The following SV2B variants were observed in gnomAD, a reference collection of about 807,000 sequenced individuals.
SV2B encodes synaptic vesicle glycoprotein 2B, also known as solute carrier family 22 member B2.
In SV2B, 41 loss-of-function variants were observed where a neutral mutation model predicts 73.9. That is an observed-to-expected ratio of 0.56 (90% CI 0.43 to 0.72). The LOEUF (loss-of-function observed/expected upper bound fraction) is 0.72. SV2B is among the 30% of genes least tolerant of loss of function. The pLI, the probability that SV2B is intolerant of heterozygous loss-of-function variation, is 0.00. For synonymous variants in SV2B, 314 were observed against 314.2 expected (o/e 1.00, Z 0.01); for missense variants, 764 against 857.8 (o/e 0.89, Z 1.37).
chr15:91,282,059 G>A (rs1335141533), intron 10 of SV2B, among the ~76,000 whole-genome samples, 198 bp downstream of exon 10: 1 of 152,246 alleles, frequency 6.6e-6, no homozygotes, highest in African/African-American at 2.4e-5. Flanking sequence ...GGCATTTAAT[G>A]TATCTGCGTC....
chr15:91,164,436 A>G (rs907045358), intron 1 of SV2B, among the ~76,000 whole-genome samples: 13 of 152,190 alleles, frequency 8.5e-5, no homozygotes, highest in African/African-American at 3.1e-4. Context: ...AAGCCAGAAT[A>G]CTGTGTCAAA....
chr15:91,279,387 G>C (rs148442684), intron 9 of SV2B, among the ~76,000 whole-genome samples: 1 of 152,362 alleles, frequency 6.6e-6, no homozygotes, highest in African/African-American at 2.4e-5. Flanking sequence ...TTTTGTCATG[G>C]ACCTTGGATT....
intron 1 of SV2B, among the ~76,000 whole-genome samples, chr15:91,201,590 G>C (rs570154523): frequency 6.6e-6 from 1 of 152,224 alleles, no homozygotes; most frequent in South Asian, 2.1e-4. Flanking sequence ...CCTATCTCCT[G>C]ATCCCACCCT....
At chr15:91,184,030 C>G (rs1034065430) in intron 1 of SV2B, among the ~76,000 whole-genome samples, 2 of 152,068 alleles carry the variant, frequency 1.3e-5, no homozygotes, top group Non-Finnish European at 2.9e-5. Flanking sequence ...AACACTGTAT[C>G]CACCTTCATC....
Position 91,252,124 on chromosome 15 carries a change from A to G in SV2B, c.632+125A>G. 5 of 1,309,714 alleles carry G rather than the reference A, an allele frequency of 3.8e-6. No individual in the cohort carries two copies. In the East Asian group the frequency reaches 9.6e-5, roughly 25 times the overall value. The allele number at this position is 1,309,714 out of a possible 1,614,324, so 81.1% of individuals were successfully genotyped here. A position where few individuals can be genotyped will look rare whatever the true frequency, so the allele number is the denominator to read the frequency against. ...ACTGAGTTTTTGTTTGACTTTCAGGATACTATATTAAAGTTGAACCTTAGA... is the reference window on the plus strand; with the variant it reads ...ACTGAGTTTTTGTTTGACTTTCAGGGTACTATATTAAAGTTGAACCTTAGA... On this transcript the variant is annotated intron_variant, in intron 3 of 12. Coordinates refer to ENST00000394232, the MANE Select transcript of SV2B (RefSeq NM_001323032.3). This position sits in a 1 kb window ranked among gnomAD's most constrained non-coding sequence, Gnocchi z 4.6.
In SV2B at chr15:91,289,593, G is replaced by C; in HGVS notation, c.1781G>C (p.Gly594Ala). Residue 594 changes from glycine to alanine, a missense_variant, in exon 12 of 13, where the codon GGC becomes GCC. Gly to Ala is a moderately conservative substitution (Grantham distance 60). Transcript: ENST00000394232. This position sits in a 1 kb window ranked among gnomAD's most constrained non-coding sequence, Gnocchi z 4.9. ...FFGNSESAMI[G>A]WQCLFCGTSI... ...GGCAACAGTGAGTCTGCAATGATCGGCTGGCAGTGCCTGTTCTGTGGGACA... is the reference window on the plus strand; with the variant it reads ...GGCAACAGTGAGTCTGCAATGATCGCCTGGCAGTGCCTGTTCTGTGGGACA... The C allele has an allele frequency of 6.2e-7, 1 of 1,614,190 alleles. No homozygotes were observed. Among genetic ancestry groups the C allele is most frequent in the South Asian group, 1.1e-5 (1 of 91,086 alleles).
chr15:91,171,164 TG>T (rs1405226856), intron 1 of SV2B, among the ~76,000 whole-genome samples: 3 of 152,030 alleles, frequency 2.0e-5, no homozygotes, highest in Admixed American at 6.5e-5. Flanking sequence ...CAGGGAAGCA[TG>T]GGGGTCATGG....
chr15:91,127,143 C>CT (rs1250566255), intron 1 of SV2B, among the ~76,000 whole-genome samples: 2 of 152,178 alleles, frequency 1.3e-5, no homozygotes, highest in African/African-American at 4.8e-5. Flanking sequence ...CATTGCAGGT[C>CT]TTTTTTTGAG....
chr15:91,184,818 A>G (rs988002337), intron 1 of SV2B, among the ~76,000 whole-genome samples: 1 of 152,220 alleles, frequency 6.6e-6, no homozygotes, highest in Non-Finnish European at 1.5e-5. Flanking sequence ...TAAAAACTCT[A>G]AGTCAAAATG....
In SV2B at chr15:91,266,658, G is replaced by T; in HGVS notation, c.1085G>T (p.Arg362Leu). 1 of 1,613,996 alleles carries T rather than the reference G, an allele frequency of 6.2e-7. No homozygotes were observed. Among genetic ancestry groups the T allele is most frequent in the Non-Finnish European group, 8.5e-7 (1 of 1,179,928 alleles). ...IQSSTGTWYQRWLVRFKTIFK... is the reference protein window; with the variant it reads ...IQSSTGTWYQLWLVRFKTIFK... ...AGTTCAACAGGAACCTGGTACCAGCGCTGGCTGGTCAGATTCAAGACCATT... is the reference window on the plus strand; with the variant it reads ...AGTTCAACAGGAACCTGGTACCAGCTCTGGCTGGTCAGATTCAAGACCATT... Residue 362 changes from arginine to leucine, a missense_variant, in exon 7 of 13, where the codon CGC (arginine) becomes CTC (leucine). By Grantham distance (102) the Arg-to-Leu change is moderately radical (BLOSUM62 -2). Coordinates refer to ENST00000394232, the MANE Select transcript of SV2B (RefSeq NM_001323032.3).
chr15:91,109,709 ACTT>A (rs1020741148), intron 1 of SV2B, among the ~76,000 whole-genome samples: 2 of 152,086 alleles, frequency 1.3e-5, no homozygotes, highest in African/African-American at 4.8e-5. Flanking sequence ...GGGAATCCAA[ACTT>A]CTTATTATTC....
At chr15:91,248,010 A>G (rs1304985205) in intron 2 of SV2B, among the ~76,000 whole-genome samples, 1 of 152,116 alleles carries the variant, frequency 6.6e-6, no homozygotes, top group Admixed American at 6.6e-5. Context: ...ATTTTGGAGC[A>G]CCTGTGATAT....
At chr15:91,202,983 G>A (rs976067194) in intron 1 of SV2B, among the ~76,000 whole-genome samples, 1 of 152,180 alleles carries the variant, frequency 6.6e-6, no homozygotes, top group African/African-American at 2.4e-5. Flanking sequence ...CTAAGGGTGT[G>A]TTTGTGGGGC....
chr15:91,279,736 A>G (rs2048623709), intron 9 of SV2B, among the ~76,000 whole-genome samples: 1 of 152,210 alleles, frequency 6.6e-6, no homozygotes, highest in Non-Finnish European at 1.5e-5. Flanking sequence ...GCAGCCTATT[A>G]CTATATTAGA....
At chr15:91,274,342 T>C (rs2048413419) in intron 9 of SV2B, among the ~76,000 whole-genome samples, 1 of 152,222 alleles carries the variant, frequency 6.6e-6, no homozygotes, top group South Asian at 2.1e-4. Context: ...GGTATCATTG[T>C]TATGTCCTCT....
At chr15:91,274,425 C>A (rs1338861183) in intron 9 of SV2B, among the ~76,000 whole-genome samples, 4 of 152,170 alleles carry the variant, frequency 2.6e-5, no homozygotes, top group Non-Finnish European at 5.9e-5. Flanking sequence ...AAACCAGCCT[C>A]TATAACCAAG....
rs370133450 is a variant in SV2B, at chr15:91,130,283, G to A, written c.-392+29920G>A. ...ATGGGAGGAGTGTTGGAGGAATACT[G>A]AATTCCATATTGGGCTCTCTTGAGT... On this transcript the variant is annotated intron_variant, in intron 1 of 12. Transcript: ENST00000394232. The surrounding 1 kb of genome is among the most constrained non-coding windows in gnomAD (Gnocchi z 5.6). Among the ~76,000 whole-genome samples the A allele has an allele frequency of 2.7e-4, 41 of 152,276 alleles. No homozygotes were observed. Among genetic ancestry groups the A allele is most frequent in the African/African-American group, 9.4e-4 (39 of 41,554 alleles).
chr15:91,235,236 G>A (rs2046734422), intron 2 of SV2B, among the ~76,000 whole-genome samples: 1 of 152,102 alleles, frequency 6.6e-6, no homozygotes, highest in South Asian at 2.1e-4. Flanking sequence ...TTTTATGTAG[G>A]CCTTAAAGAC....
In SV2B at chr15:91,197,424, A is replaced by T. The variant is rs1455338081; in HGVS notation, c.-391-28449A>T. On this transcript the variant is annotated intron_variant, in intron 1 of 12. Coordinates refer to ENST00000394232, the MANE Select transcript of SV2B (RefSeq NM_001323032.3). The surrounding 1 kb of genome is among the most constrained non-coding windows in gnomAD (Gnocchi z 4.9). ...TTTTTTGTAGAGATGGGGTTTCTCC[A>T]TGTTGGTCAGGCTGGTCTCAAACTC... Among the ~76,000 whole-genome samples, 1 of 151,518 alleles carries T rather than the reference A, an allele frequency of 6.6e-6. No homozygotes were observed. The highest frequency in any genetic ancestry group is 2.4e-5 in the African/African-American group (1 of 41,292).
Sources: gnomAD v4.1 joint callset for allele counts (sites outside exome capture counted in the v4.1 genomes callset) on GRCh38, gnomAD v4.1.1 for gene constraint, Gnocchi (gnomAD v3.1) non-coding constraint, MANE v1.5 for transcripts, NCBI Gene and HGNC (gene_info 2026-07-23, HGNC 2026-07-21) for gene names.